Variants in FOCAD observed in about 807,000 individuals in gnomAD.
The protein encoded by FOCAD is focadhesin.
A neutral mutation model predicts 225.6 loss-of-function variants in FOCAD; 198 were observed. The ratio of observed to expected loss-of-function variants is 0.88; its 90% CI spans 0.78 to 0.99. The LOEUF (loss-of-function observed/expected upper bound fraction) is 0.99. Ranked by LOEUF, FOCAD falls within the 50% of genes least tolerant of loss-of-function variation. The pLI is 0.00. For missense variants in FOCAD, 2,713 were observed against 2,123.6 expected (o/e 1.28, Z -5.46); for synonymous variants, 897 against 755.0 (o/e 1.19, Z -3.08).
At chr9:20,661,959 C>A (rs918821087) in intron 2 of FOCAD, among the ~76,000 whole-genome samples, 15 of 151,438 alleles carry the variant, frequency 9.9e-5, no homozygotes, top group African/African-American at 3.6e-4. Flanking sequence ...AAAAGATAAC[C>A]AAGATTAAGT....
intron 11 of FOCAD, among the ~76,000 whole-genome samples, chr9:20,809,687 T>C (rs1822845432): frequency 6.6e-6 from 1 of 152,206 alleles, no homozygotes; most frequent in Non-Finnish European, 1.5e-5. Flanking sequence ...GTTCAAGTTA[T>C]TCAGTTAATA....
intron 21 of FOCAD, among the ~76,000 whole-genome samples, chr9:20,894,524 G>A (rs1831903803): frequency 6.6e-6 from 1 of 151,976 alleles, no homozygotes; most frequent in African/African-American, 2.4e-5. Flanking sequence ...AGCAATTGGT[G>A]TTGTGGTCTG....
At chr9:20,992,400 C>T (rs1274542212) in intron 42 of FOCAD, among the ~76,000 whole-genome samples, 1 of 152,096 alleles carries the variant, frequency 6.6e-6, no homozygotes, top group East Asian at 1.9e-4. Flanking sequence ...GAAATGGGGG[C>T]TTATATCTGA....
rs1237788754 is a variant in FOCAD, at chr9:20,720,272, A to C, written c.133-108A>C. The C allele has an allele frequency of 7.5e-6, 8 of 1,067,984 alleles. No individual in the cohort carries two copies. In the African/African-American group the frequency reaches 1.3e-4, roughly 17 times the overall value. The allele number at this position is 1,067,984 out of a possible 1,614,324, so 66.2% of individuals were successfully genotyped here. ...GACAACAGCATCATCTTTATAAAGG[A>C]AAGCTAGCCTACTGTGAACAAATTA... On this transcript the variant is annotated intron_variant, in intron 3 of 43. Coordinates refer to ENST00000338382, the MANE Select transcript of FOCAD (RefSeq NM_001375567.1).
At chr9:20,723,510 GT>G (rs1395166983) in intron 4 of FOCAD, among the ~76,000 whole-genome samples, 1 of 152,184 alleles carries the variant, frequency 6.6e-6, no homozygotes, top group Non-Finnish European at 1.5e-5. Context: ...GAAAAGTAGT[GT>G]GTTTTTTTGA....
At chr9:20,767,356 G>A (rs2130973545) in intron 7 of FOCAD, among the ~76,000 whole-genome samples, 1 of 134,382 alleles carries the variant, frequency 7.4e-6, no homozygotes, top group African/African-American at 2.7e-5. Flanking sequence ...GGGATAGCTG[G>A]GTCAAATGGT....
At chr9:20,841,907 A>G (rs1826569915) in intron 15 of FOCAD, among the ~76,000 whole-genome samples, 1 of 151,880 alleles carries the variant, frequency 6.6e-6, no homozygotes, top group African/African-American at 2.4e-5. Context: ...CTTCTATCTT[A>G]GTAGTGCTTT....
chr9:20,815,341 C>T (rs1823615709), intron 11 of FOCAD, among the ~76,000 whole-genome samples: 1 of 148,434 alleles, frequency 6.7e-6, no homozygotes, highest in African/African-American at 2.5e-5. Context: ...GGTGGGGTTT[C>T]ACCATGTTGG....
chr9:20,835,273 G>A (rs867931160), intron 15 of FOCAD, among the ~76,000 whole-genome samples: 1 of 151,896 alleles, frequency 6.6e-6, no homozygotes, highest in African/African-American at 2.4e-5. Flanking sequence ...TAATAATCTT[G>A]TAATGTAGGT....
chr9:20,874,656 A>G (rs771762837), intron 18 of FOCAD, 25 bp from the exon 19 acceptor site: 11 of 1,609,504 alleles, frequency 6.8e-6, no homozygotes, highest in Admixed American at 5.1e-5. Context: ...TATCCTCTCT[A>G]TGATCTTTTC....
chr9:20,717,953 A>G (rs1825471260), intron 3 of FOCAD, 85 bp downstream of exon 3: 1 of 1,009,436 alleles, frequency 9.9e-7, no homozygotes, highest in Non-Finnish European at 1.5e-6. Flanking sequence ...TGTTTCCCTG[A>G]TAGTTCAGAT....
chr9:20,982,921 A>G (rs1840828539), intron 39 of FOCAD, among the ~76,000 whole-genome samples: 1 of 152,252 alleles, frequency 6.6e-6, no homozygotes. Flanking sequence ...GTACAAGTAC[A>G]TGCCAAATGA....
chr9:20,923,887 C>T, intron 25 of FOCAD, 119 bp downstream of exon 25: 1 of 710,082 alleles, frequency 1.4e-6, no homozygotes, highest in Non-Finnish European at 2.5e-6. Flanking sequence ...AGTTATAGTA[C>T]TTGATGGGCC....
At chr9:20,808,723 G>T (rs566915068) in intron 11 of FOCAD, among the ~76,000 whole-genome samples, 5 of 152,214 alleles carry the variant, frequency 3.3e-5, no homozygotes, top group Admixed American at 2.6e-4. Flanking sequence ...TCATCTTTGG[G>T]CAGAAAATCT....
At chr9:20,723,238 A>G (rs1446242027) in intron 4 of FOCAD, among the ~76,000 whole-genome samples, 1 of 152,238 alleles carries the variant, frequency 6.6e-6, no homozygotes, top group East Asian at 1.9e-4. Context: ...CCGTAATCCC[A>G]ATACTTCGGC....
intron 1 of FOCAD, among the ~76,000 whole-genome samples, chr9:20,693,143 C>T (rs1268840959): frequency 6.6e-6 from 1 of 152,166 alleles, no homozygotes; most frequent in African/African-American, 2.4e-5. Context: ...CCATTTGTTG[C>T]CTCTCCAACT....
At chr9:20,664,140 A>G (rs1320602573) in intron 2 of FOCAD, among the ~76,000 whole-genome samples, 2 of 151,918 alleles carry the variant, frequency 1.3e-5, no homozygotes, top group African/African-American at 4.8e-5. Context: ...CAGAAAATCT[A>G]ATTTTAAAAG....
chr9:20,704,728 T>C (rs1343768272), intron 1 of FOCAD, among the ~76,000 whole-genome samples: 1 of 152,208 alleles, frequency 6.6e-6, no homozygotes, highest in Non-Finnish European at 1.5e-5. Context: ...ATTTTTCTAC[T>C]AAATTGCTGC....
At chr9:20,806,813 T>C (rs1822508460) in intron 11 of FOCAD, among the ~76,000 whole-genome samples, 1 of 152,240 alleles carries the variant, frequency 6.6e-6, no homozygotes, top group Non-Finnish European at 1.5e-5. Context: ...ATTTAGCCTA[T>C]ACTTGTTAAT....
Sources: gnomAD v4.1 joint callset for allele counts (sites outside exome capture counted in the v4.1 genomes callset) on GRCh38, gnomAD v4.1.1 for gene constraint, MANE v1.5 for transcripts, NCBI Gene and HGNC (gene_info 2026-07-23, HGNC 2026-07-21) for gene names.